CCDC196: variants seen among roughly 807,000 people sequenced by gnomAD.
The protein encoded by CCDC196 is coiled-coil domain containing 196.
intron 4 of CCDC196, among the ~76,000 whole-genome samples, chr14:66,489,293 G>A (rs991253929): frequency 1.3e-5 from 2 of 152,170 alleles, no homozygotes; most frequent in African/African-American, 4.8e-5. Flanking sequence ...TCCTCTCATA[G>A]ATGTCCTTCC....
At position 66,488,977 on chromosome 14, in the gene CCDC196, C is replaced by T. The variant is rs911596424; in HGVS notation, c.301-10C>T. On this transcript the variant is annotated splice_polypyrimidine_tract_variant and intron_variant, in intron 3 of 9. Transcript: ENST00000636229. ...TGCTTCTGTTTGTTTGGTTCTTCCC[C>T]CTCCAACAGGAAAGGAAAAACAAGA... is the stretch of plus-strand genomic sequence containing the variant. 3 of 413,190 alleles carry T rather than the reference C, an allele frequency of 7.3e-6. No individual in the cohort carries two copies. The highest frequency in any genetic ancestry group is 8.9e-6 in the Non-Finnish European group (2 of 225,972). 25.6% of individuals were successfully genotyped at this position (413,190 alleles called of 1,614,324 possible).
At chr14:66,494,092 CCA>C (rs1274333542) in intron 8 of CCDC196, 5 of 152,192 alleles carry the variant, frequency 3.3e-5, no homozygotes, top group Non-Finnish European at 5.9e-5. Context: ...AGCCACAGAT[CCA>C]CATCTTCTTT....
intron 8 of CCDC196, chr14:66,496,840 T>G (rs535184046): frequency 6.4e-6 from 1 of 155,968 alleles, no homozygotes; most frequent in African/African-American, 2.4e-5. Context: ...TTCCTTGAGC[T>G]CTTCTGAGAA....
At chr14:66,490,371 C>A (rs2057508356) in intron 4 of CCDC196, among the ~76,000 whole-genome samples, 1 of 152,170 alleles carries the variant, frequency 6.6e-6, no homozygotes, top group African/African-American at 2.4e-5. Context: ...AAACAAATAA[C>A]CTCTCCAAGT....
At chr14:66,495,406 A>T (rs2057638773) in intron 8 of CCDC196, among the ~76,000 whole-genome samples, 1 of 152,138 alleles carries the variant, frequency 6.6e-6, no homozygotes, top group African/African-American at 2.4e-5. Flanking sequence ...CCTCACAGTG[A>T]CTCTATGAAA....
intron 2 of CCDC196, among the ~76,000 whole-genome samples, chr14:66,487,131 A>G (rs1212048663): frequency 6.6e-6 from 1 of 152,146 alleles, no homozygotes; most frequent in Non-Finnish European, 1.5e-5. Flanking sequence ...TTTCTTATGC[A>G]TGATCACTTT....
chr14:66,489,398 A>T (rs914494569), intron 4 of CCDC196, among the ~76,000 whole-genome samples: 1 of 151,998 alleles, frequency 6.6e-6, no homozygotes, highest in Non-Finnish European at 1.5e-5. Context: ...TGCCTTCTCC[A>T]CTGCCTGTAA....
rs2057406083 is a variant in CCDC196 at position 66,486,645 on chromosome 14, C to A, written c.51-12C>A. 2.4e-6 allele frequency: 1 copy of A among 413,428 alleles called. No individual in the cohort carries two copies. 25.6% of individuals were successfully genotyped at this position (413,428 alleles called of 1,614,324 possible). A position where few individuals can be genotyped will look rare whatever the true frequency, so the allele number is the denominator to read the frequency against. ...AGGCTAAAGGCAGATATTATTGTGCCTCTTCCCACAGAAGTTCTAAAATAG... is the reference window on the plus strand; with the variant it reads ...AGGCTAAAGGCAGATATTATTGTGCATCTTCCCACAGAAGTTCTAAAATAG... On this transcript the variant is annotated splice_polypyrimidine_tract_variant and intron_variant, in intron 1 of 9. Transcript: ENST00000636229.
chr14:66,491,202 A>G (rs2057527044), intron 6 of CCDC196, 98 bp downstream of exon 6: 1 of 404,776 alleles, frequency 2.5e-6, no homozygotes. Context: ...GTGCTCTTGG[A>G]CCAATGCCAA....
In CCDC196 at chr14:66,490,820, G is replaced by T; in HGVS notation, c.429+1G>T. The T allele has an allele frequency of 2.5e-6, 1 of 400,014 alleles. No homozygotes were observed. 24.8% of individuals were successfully genotyped at this position (400,014 alleles called of 1,614,324 possible). On this transcript the variant is annotated splice_donor_variant, in intron 5 of 9. Transcript: ENST00000636229. LOFTEE classifies it high-confidence loss of function. ...CAAGGCAGACTTGCAGGATGGAAAG[G>T]CAAGTGGACTGCATGTACTTAAAAT... is the stretch of plus-strand genomic sequence containing the variant.
At chr14:66,494,619 A>G (rs1005975328) in intron 8 of CCDC196, 3 of 152,222 alleles carry the variant, frequency 2.0e-5, no homozygotes, top group Non-Finnish European at 4.4e-5. Context: ...AGTTTTCCAC[A>G]ATAGAAGGTA....
intron 2 of CCDC196, among the ~76,000 whole-genome samples, chr14:66,487,107 G>A (rs535102107): frequency 4.6e-5 from 7 of 152,062 alleles, no homozygotes; most frequent in South Asian, 4.2e-4. Context: ...AGTTTACCAC[G>A]GTCACACAGA....
At chr14:66,488,378 T>G (rs2057458268) in intron 3 of CCDC196, 122 bp downstream of exon 3, 1 of 396,058 alleles carries the variant, frequency 2.5e-6, no homozygotes, top group African/African-American at 2.1e-5. Context: ...AACACTCATA[T>G]CTCCTTGATC....
At chr14:66,493,869 T>C (rs2057600201) in intron 8 of CCDC196, 1 of 152,048 alleles carries the variant, frequency 6.6e-6, no homozygotes. Flanking sequence ...GAGAAGAGGG[T>C]TATGAGGAAG....
intron 8 of CCDC196, 59 bp from the exon 9 acceptor site, chr14:66,498,050 G>GT: frequency 5.1e-6 from 2 of 394,738 alleles, no homozygotes; most frequent in Non-Finnish European, 4.5e-6. Flanking sequence ...CAAAACTAGT[G>GT]GTTTTTTTTT....
In CCDC196 at chr14:66,498,551, T is replaced by C; in HGVS notation, c.*79T>C. 4.9e-6 allele frequency: 2 copies of C among 407,922 alleles called. No homozygotes were observed. Among genetic ancestry groups the C allele is most frequent in the Non-Finnish European group, 4.5e-6 (1 of 224,086 alleles). 25.3% of individuals were successfully genotyped at this position (407,922 alleles called of 1,614,324 possible). A position where few individuals can be genotyped will look rare whatever the true frequency, so the allele number is the denominator to read the frequency against. The stretch of plus-strand genomic sequence containing the variant: ...TGTGTTAATTAAAATCTCTCGCACC[T>C]TTGTTTTAGTGCTGTTTTCCCTCTC... On this transcript the variant is annotated 3_prime_UTR_variant, in exon 10 of 10. Coordinates refer to ENST00000636229, the MANE Select transcript of CCDC196 (RefSeq NM_001351576.1).
At chr14:66,492,237 G>C (rs1253541330) in intron 8 of CCDC196, 43 bp downstream of exon 8, 1 of 412,420 alleles carries the variant, frequency 2.4e-6, no homozygotes, top group Non-Finnish European at 4.4e-6. Context: ...GTTTTGTTTT[G>C]TTTATTTTAT....
intron 8 of CCDC196, chr14:66,496,303 T>G: frequency 2.2e-6 from 1 of 456,300 alleles, no homozygotes; most frequent in Non-Finnish European, 4.4e-6. Flanking sequence ...CACTGTCCGA[T>G]GTGCTGGTTG....
intron 4 of CCDC196, among the ~76,000 whole-genome samples, chr14:66,490,152 G>A (rs544964768): frequency 1.6e-4 from 24 of 152,232 alleles, no homozygotes; most frequent in South Asian, 4.2e-4. Flanking sequence ...TTGAGTCCTC[G>A]TAATAGGAAA....
Sources: gnomAD v4.1 joint callset for allele counts (sites outside exome capture counted in the v4.1 genomes callset) on GRCh38, gnomAD v4.1.1 for gene constraint, MANE v1.5 for transcripts, NCBI Gene and HGNC (gene_info 2026-07-23, HGNC 2026-07-21) for gene names.